The following DERPC variants were observed in gnomAD, a reference collection of about 807,000 sequenced individuals.
DERPC encodes DERPC proline and glycine rich nuclear protein.
Under a neutral mutation model 7.2 loss-of-function variants are expected in DERPC, and 1 was observed. That is an observed-to-expected ratio of 0.14 (90% CI 0.05 to 0.66). The LOEUF is 0.66. DERPC is among the 30% of genes least tolerant of loss of function. DERPC has a pLI of 0.84. For synonymous variants in DERPC, 185 were observed against 117.6 expected, an observed-to-expected ratio of 1.57 and a Z score of -3.71; for missense variants, 502 against 299.4, an observed-to-expected ratio of 1.68 and a Z score of -4.99.
chr16:69,132,298 T>A, intron 1 of DERPC, 186 bp downstream of exon 1: 1 of 22,174 alleles, frequency 4.5e-5, no homozygotes, highest in Non-Finnish European at 9.1e-5. Context: ...CCCGCCGCCC[T>A]CCCCCTTCCC....
chr16:69,119,532 C>T lies in DERPC; in HGVS notation c.897G>A (p.Met299Ile), dbSNP rs1455711282. The T allele has an allele frequency of 1.0e-5, 7 of 702,826 alleles. No individual in the cohort carries two copies. Among genetic ancestry groups the T allele is most frequent in the Non-Finnish European group, 1.8e-5 (7 of 384,994 alleles). 43.5% of individuals were successfully genotyped at this position (702,826 alleles called of 1,614,324 possible). ...TTGCCATGGAGGATGGGCTTGTGCC[C>T]ATGTTTCCAGAAGCCTGTGAGAAAG... is the stretch of plus-strand genomic sequence containing the variant. ...SASFSQASGN[M>I]GTSPSSMARV... is the part of the protein sequence containing the mutation. The change falls in exon 3 of 3, where the codon ATG becomes ATA. Residue 299 changes from methionine (M) to isoleucine (I), a missense_variant. Physicochemically the swap from Met to Ile is conservative, Grantham distance 10 (BLOSUM62 1). Transcript: ENST00000519520.
chr16:69,121,606 T>C lies in DERPC; in HGVS notation c.-279-113A>G, dbSNP rs559395770. The C allele has an allele frequency of 8.4e-4, 509 of 608,882 alleles. 10 individuals carry two copies. In the South Asian group the frequency reaches 0.01, roughly 12 times the overall value. The allele number at this position is 608,882 out of a possible 1,614,324, so 37.7% of individuals were successfully genotyped here. ...GATTCTCCTGCCTCAGCCTCCCGAG[T>C]AGCTGGGAATACAGGCACCCACCAC... On this transcript the variant is annotated intron_variant, in intron 1 of 2. Transcript: ENST00000519520.
Position 69,118,253 on chromosome 16 carries a change from G to A in DERPC, c.*601C>T. Reference sequence around the variant, plus strand: ...GGGCCTTAAATCTGGCCACCTCTAAGTCCCAGGAGAAGGGAGCTGCAGGCC... The same window carrying A: ...GGGCCTTAAATCTGGCCACCTCTAAATCCCAGGAGAAGGGAGCTGCAGGCC... On this transcript the variant is annotated 3_prime_UTR_variant, in exon 3 of 3. Coordinates refer to ENST00000519520, the MANE Select transcript of DERPC (RefSeq NM_001002847.4). The A allele has an allele frequency of 1.3e-6, 1 of 751,704 alleles. No homozygotes were observed. Among genetic ancestry groups the A allele is most frequent in the Non-Finnish European group, 2.4e-6 (1 of 420,214 alleles). The allele number at this position is 751,704 out of a possible 1,614,324, so 46.6% of individuals were successfully genotyped here.
intron 1 of DERPC, among the ~76,000 whole-genome samples, chr16:69,130,181 GAAGA>G (rs1567595305): frequency 6.6e-6 from 1 of 152,206 alleles, no homozygotes; most frequent in Non-Finnish European, 1.5e-5. Context: ...AAATGTGGCA[GAAGA>G]AAGTGTGATA....
At chr16:69,123,036 G>A (rs1015966161) in intron 1 of DERPC, among the ~76,000 whole-genome samples, 2 of 152,086 alleles carry the variant, frequency 1.3e-5, no homozygotes, top group Non-Finnish European at 2.9e-5. Context: ...TGGGATTATA[G>A]GCTTGAGCCA....
In DERPC at chr16:69,120,530, G is replaced by C; in HGVS notation, c.-102C>G. The C allele has an allele frequency of 6.2e-7, 1 of 1,614,144 alleles. No homozygotes were observed. The highest frequency in any genetic ancestry group is 8.5e-7 in the Non-Finnish European group (1 of 1,180,020). ...CCAGGTACCGGGTGCCAGTCTCGCG[G>C]CCAAGCTCATCACAGTCCTGATCCC... On this transcript the variant is annotated 5_prime_UTR_variant, in exon 3 of 3. Coordinates refer to ENST00000519520, the MANE Select transcript of DERPC (RefSeq NM_001002847.4). This position sits in a 1 kb window ranked among gnomAD's most constrained non-coding sequence, Gnocchi z 4.0.
intron 1 of DERPC, among the ~76,000 whole-genome samples, chr16:69,130,391 T>C (rs1407843439): frequency 1.3e-5 from 2 of 152,246 alleles, no homozygotes; most frequent in Non-Finnish European, 2.9e-5. Context: ...GTGAAATCAA[T>C]TATTTCAGAG....
rs1961488326 is a variant in DERPC, at chr16:69,119,822, C to T, written c.607G>A (p.Val203Ile). ...GGGTTTGGTCCTGGGCCCAGGCCAA[C>T]TGGCCTAGGATTGGGAGGACCATTC... is the stretch of plus-strand genomic sequence containing the variant. ...SGNGPPNPRP[V>I]GLGPGPNPNL... Residue 203 changes from valine (V) to isoleucine (I), a missense_variant, in exon 3 of 3, where the codon GTT (valine) becomes ATT (isoleucine). Val to Ile is a conservative substitution (Grantham distance 29, BLOSUM62 3). Transcript: ENST00000519520. 2 of 701,176 alleles carry T rather than the reference C, an allele frequency of 2.9e-6. No individual in the cohort carries two copies. Among genetic ancestry groups the T allele is most frequent in the Non-Finnish European group, 5.2e-6 (2 of 384,978 alleles). 43.4% of individuals were successfully genotyped at this position (701,176 alleles called of 1,614,324 possible). A position where few individuals can be genotyped will look rare whatever the true frequency, so the allele number is the denominator to read the frequency against.
chr16:69,128,586 C>T lies in DERPC; in HGVS notation c.-280+3898G>A, dbSNP rs561400501. ...CTGTATTCCTAAGTTAGTCAAACGA[C>T]TTTATCTCAGTAAAGGAAACTTTTT... On this transcript the variant is annotated intron_variant, in intron 1 of 2. Transcript: ENST00000519520. Among the ~76,000 whole-genome samples the T allele has an allele frequency of 2.0e-5, 3 of 152,232 alleles. No homozygotes were observed. The South Asian group carries it at 6.2e-4, about 32-fold the overall frequency.
At chr16:69,125,090 G>C (rs996211565) in intron 1 of DERPC, among the ~76,000 whole-genome samples, 1 of 151,108 alleles carries the variant, frequency 6.6e-6, no homozygotes, top group Non-Finnish European at 1.5e-5. Context: ...TTTTAATAGA[G>C]ACGGGGCTTC....
intron 1 of DERPC, chr16:69,132,041 G>C (rs1308768207): frequency 6.5e-6 from 1 of 153,044 alleles, no homozygotes; most frequent in Admixed American, 6.5e-5. Flanking sequence ...CAAGCATAGC[G>C]GGCTGGGCTC....
chr16:69,127,601 C>CCTTT (rs1170530279), intron 1 of DERPC, among the ~76,000 whole-genome samples: 22 of 104,394 alleles, frequency 2.1e-4, no homozygotes, highest in African/African-American at 8.1e-4. Context: ...CTCCCGGCAA[C>CCTTT]TTTTTTTTTT....
chr16:69,127,572 G>A (rs990322401), intron 1 of DERPC, among the ~76,000 whole-genome samples: 1 of 147,656 alleles, frequency 6.8e-6, no homozygotes, highest in African/African-American at 2.5e-5. Context: ...GAAACTAAAA[G>A]AGAGTCAGTG....
intron 1 of DERPC, among the ~76,000 whole-genome samples, chr16:69,131,917 C>T (rs1962556074): frequency 6.6e-6 from 1 of 152,032 alleles, no homozygotes; most frequent in Non-Finnish European, 1.5e-5. Context: ...AGCCTCCCCC[C>T]TCCACGATTA....
At position 69,127,770 on chromosome 16, in the gene DERPC, C is replaced by T. The variant is rs539624639; in HGVS notation, c.-280+4714G>A. 7.3e-4 allele frequency among the ~76,000 whole-genome samples: 111 copies of T among 151,494 alleles called. 1 individual carries two copies. In the East Asian group the frequency reaches 0.021, roughly 28 times the overall value. ...GACTACAGGCGCCCGCCACCACACCCGGCAACTTTTTGTATTTTTAGTAGA... is the reference window on the plus strand; with the variant it reads ...GACTACAGGCGCCCGCCACCACACCTGGCAACTTTTTGTATTTTTAGTAGA... On this transcript the variant is annotated intron_variant, in intron 1 of 2. Transcript: ENST00000519520.
intron 1 of DERPC, among the ~76,000 whole-genome samples, chr16:69,127,162 T>C (rs1962125264): frequency 6.6e-6 from 1 of 150,722 alleles, no homozygotes; most frequent in Admixed American, 6.7e-5. Flanking sequence ...TGCTTGAACC[T>C]GGGAGGCGGA....
At chr16:69,129,744 T>C (rs1962359736) in intron 1 of DERPC, among the ~76,000 whole-genome samples, 1 of 152,218 alleles carries the variant, frequency 6.6e-6, no homozygotes, top group African/African-American at 2.4e-5. Flanking sequence ...AAAGCACCTC[T>C]GTATGATAAC....
chr16:69,127,601 CTTTTTTTTTTTTT>C (rs71383961), intron 1 of DERPC, among the ~76,000 whole-genome samples: 4 of 104,392 alleles, frequency 3.8e-5, no homozygotes, highest in Admixed American at 2.3e-4. Flanking sequence ...CTCCCGGCAA[CTTTTTTTTTTTTT>C]TTTTTTTTTT....
intron 1 of DERPC, 147 bp from the exon 2 acceptor site, chr16:69,121,640 G>C: frequency 1.9e-6 from 1 of 514,530 alleles, no homozygotes; most frequent in East Asian, 3.4e-5. Flanking sequence ...ACTATGGCCA[G>C]CTAACTTTTT....
Sources: gnomAD v4.1 joint callset for allele counts (sites outside exome capture counted in the v4.1 genomes callset) on GRCh38, gnomAD v4.1.1 for gene constraint, Gnocchi (gnomAD v3.1) non-coding constraint, MANE v1.5 for transcripts, NCBI Gene and HGNC (gene_info 2026-07-23, HGNC 2026-07-21) for gene names.